The following RBP5 variants were observed in gnomAD, a reference collection of about 807,000 sequenced individuals.
RBP5 encodes the protein retinol-binding protein 5.
Under a neutral mutation model 17.8 loss-of-function variants are expected in RBP5, and 12 were observed. The observed-to-expected ratio is 0.67, with a 90% CI of 0.43 to 1.09. The LOEUF is 1.09. Among genes scored for constraint, RBP5 ranks in the 50% least tolerant of loss-of-function variants. The probability of loss-of-function intolerance (pLI) is 0.00; values close to 1 mark genes in which losing one functional copy is unlikely to be tolerated. For missense variants in RBP5, 172 were observed against 169.4 expected, an observed-to-expected ratio of 1.02 and a Z score of -0.09; for synonymous variants, 64 against 68.1, an observed-to-expected ratio of 0.94 and a Z score of 0.30.
At chr12:7,127,742 A>G in intron 2 of RBP5, 1 of 702,272 alleles carries the variant, frequency 1.4e-6, no homozygotes. Flanking sequence ...GCATGGGTGT[A>G]GATGATTTAG....
downstream of RBP5, among the ~76,000 whole-genome samples, chr12:7,123,474 C>T (rs376587655): frequency 1.3e-4 from 20 of 152,292 alleles, no homozygotes; most frequent in East Asian, 1.5e-3. Context: ...AGAAGCTCCC[C>T]GCCTCCCCAA....
chr12:7,118,942 A>G (rs921514795), downstream of RBP5: 4 of 153,744 alleles, frequency 2.6e-5, no homozygotes, highest in African/African-American at 9.6e-5. Context: ...AAGAAGAAAG[A>G]TGGTGAGATA....
At position 7,117,353 on chromosome 12, in the gene RBP5, G is replaced by C. The variant is rs745515592; in HGVS notation, n.890-46C>G. ...ACAAGGACAGGAATACTGGGAAGCA[G>C]GTATTGTTGGTGGCTGTCTCGGACG... On this transcript the variant is annotated intron_variant and non_coding_transcript_variant, in intron 3 of 3. Transcript: ENST00000619522. This position sits in a 1 kb window ranked among gnomAD's most constrained non-coding sequence, Gnocchi z 4.9. 1 of 152,364 alleles carries C rather than the reference G, an allele frequency of 6.6e-6. No homozygotes were observed. The highest frequency in any genetic ancestry group is 2.1e-4 in the South Asian group (1 of 4,830). The allele number at this position is 152,364 out of a possible 1,614,324, so 9.4% of individuals were successfully genotyped here. A position where few individuals can be genotyped will look rare whatever the true frequency, so the allele number is the denominator to read the frequency against.
At chr12:7,122,568 G>A (rs1004515109), downstream of RBP5, 20 of 152,190 alleles carry the variant, frequency 1.3e-4, no homozygotes, top group African/African-American at 4.3e-4. Context: ...GGCCTCTGCC[G>A]AGACTCCACT....
chr12:7,124,277 G>T lies in RBP5; in HGVS notation c.355-103C>A. The T allele has an allele frequency of 2.0e-6, 2 of 1,005,298 alleles. No individual in the cohort carries two copies. The highest frequency in any genetic ancestry group is 3.1e-6 in the Non-Finnish European group (2 of 641,378). 62.3% of individuals were successfully genotyped at this position (1,005,298 alleles called of 1,614,324 possible). A position where few individuals can be genotyped will look rare whatever the true frequency, so the allele number is the denominator to read the frequency against. ...CCTCCATTTACTCCTTCCGGATACA[G>T]CAGCTTGAGTGTTTGATGTATGGGC... On this transcript the variant is annotated intron_variant, in intron 3 of 3. Transcript: ENST00000266560. This position sits in a 1 kb window ranked among gnomAD's most constrained non-coding sequence, Gnocchi z 5.3.
downstream of RBP5, chr12:7,119,564 C>T (rs994432985): frequency 1.3e-5 from 2 of 154,854 alleles, no homozygotes; most frequent in African/African-American, 2.4e-5. Flanking sequence ...GTATGTGTCA[C>T]TTACACTTCG....
At chr12:7,115,822 A>C (rs1311300709) in exon 4 of RBP5, 1 of 152,362 alleles carries the variant, frequency 6.6e-6, no homozygotes, top group African/African-American at 2.4e-5. Context: ...GCTTATAATC[A>C]TGGCAGAAGG....
At chr12:7,126,069 C>CA (rs34064255) in intron 2 of RBP5, among the ~76,000 whole-genome samples, 12,771 of 139,902 alleles carry the variant, frequency 0.091, 625 homozygotes, top group East Asian at 0.18. Context: ...CCACCTCTAC[C>CA]AAAAAAAAAA....
In RBP5 at chr12:7,123,795, G is replaced by C. The variant is rs1023711803; in HGVS notation, c.*326C>G. The C allele has an allele frequency of 1.1e-5, 3 of 268,492 alleles. No homozygotes were observed. The highest frequency in any genetic ancestry group is 6.5e-5 in the African/African-American group (3 of 45,954). 16.6% of individuals were successfully genotyped at this position (268,492 alleles called of 1,614,324 possible). The stretch of plus-strand genomic sequence containing the variant: ...ATGCCCAAAGCTTAGTTCTTTCTTA[G>C]AAGGAAAAGAAGAGGTCAAATGGAC... On this transcript the variant is annotated 3_prime_UTR_variant, in exon 4 of 4. Transcript: ENST00000266560.
chr12:7,125,167 A>G (rs764130841), intron 2 of RBP5, among the ~76,000 whole-genome samples: 4 of 152,130 alleles, frequency 2.6e-5, no homozygotes, highest in East Asian at 1.9e-4. Context: ...ACCGCTTCCT[A>G]AAGTGCTGTG....
chr12:7,127,464 T>A (rs1477709642), intron 2 of RBP5: 1 of 555,440 alleles, frequency 1.8e-6, no homozygotes, highest in Non-Finnish European at 3.2e-6. Flanking sequence ...TCTAGATTAC[T>A]TATAATACCT....
At chr12:7,118,398 C>G (rs1047206006) in intron 3 of RBP5, 1 of 152,238 alleles carries the variant, frequency 6.6e-6, no homozygotes, top group Non-Finnish European at 1.5e-5. Context: ...CACAGGCACA[C>G]AGAAGTGAAA....
chr12:7,129,572 C>G, upstream of RBP5: 3 of 978,440 alleles, frequency 3.1e-6, no homozygotes, highest in Non-Finnish European at 3.6e-6. This position sits in a 1 kb window ranked among gnomAD's most constrained non-coding sequence, Gnocchi z 5.5. Context: ...TTCTCTCCCT[C>G]TGAGTCATCG....
chr12:7,128,769 G>A lies in RBP5; in HGVS notation c.7C>T (p.Pro3Ser). 2 of 1,600,606 alleles carry A rather than the reference G, an allele frequency of 1.2e-6. No homozygotes were observed. Among genetic ancestry groups the A allele is most frequent in the South Asian group, 2.3e-5 (2 of 88,558 alleles). Residue 3 changes from proline (P) to serine (S), a missense_variant, in exon 1 of 4, where the codon CCC becomes TCC. Physicochemically the swap from Pro to Ser is moderately conservative, Grantham distance 74. Transcript: ENST00000266560. This position sits in a 1 kb window ranked among gnomAD's most constrained non-coding sequence, Gnocchi z 5.3. The stretch of plus-strand genomic sequence containing the variant: ...AAGCGGTAGTAGCCAGTGAGGTTGG[G>A]AGGCATTGTGTGGATGAAGGTTTCA... MP[P>S]NLTGYYRFVS...
chr12:7,127,538 G>T (rs755048113), intron 2 of RBP5: 1 of 633,058 alleles, frequency 1.6e-6, no homozygotes, highest in Non-Finnish European at 2.8e-6. Context: ...GTATCATTTT[G>T]TATTGTTATT....
downstream of RBP5, among the ~76,000 whole-genome samples, chr12:7,123,445 G>A (rs745752168): frequency 1.3e-5 from 2 of 152,052 alleles, no homozygotes; most frequent in Non-Finnish European, 1.5e-5. Flanking sequence ...AAGCAGACAC[G>A]GAGGACAGGT....
At chr12:7,121,943 C>G (rs1462882492), downstream of RBP5, 1 of 154,762 alleles carries the variant, frequency 6.5e-6, no homozygotes, top group Non-Finnish European at 1.5e-5. Flanking sequence ...CTGTCTGTGG[C>G]CCTCGTCCCC....
rs1402747282 is a variant in RBP5, at chr12:7,124,316, T to C, written c.355-142A>G. ...TGATGTATGGGCAATTGTATCATTATTCCACATCCTCAACTTTCCACCCCT... is the reference window on the plus strand; with the variant it reads ...TGATGTATGGGCAATTGTATCATTACTCCACATCCTCAACTTTCCACCCCT... On this transcript the variant is annotated intron_variant, in intron 3 of 3. Coordinates refer to ENST00000266560, the MANE Select transcript of RBP5 (RefSeq NM_031491.4). This position sits in a 1 kb window ranked among gnomAD's most constrained non-coding sequence, Gnocchi z 5.3. The C allele has an allele frequency of 5.3e-6, 4 of 747,780 alleles. No individual in the cohort carries two copies. Among genetic ancestry groups the C allele is most frequent in the Non-Finnish European group, 9.2e-6 (4 of 433,836 alleles). 46.3% of individuals were successfully genotyped at this position (747,780 alleles called of 1,614,324 possible). A position where few individuals can be genotyped will look rare whatever the true frequency, so the allele number is the denominator to read the frequency against.
Position 7,124,989 on chromosome 12 carries a change from C to T in RBP5, c.253-259G>A, listed in dbSNP as rs1939137928. 6.6e-6 allele frequency among the ~76,000 whole-genome samples: 1 copy of T among 152,162 alleles called. No individual in the cohort carries two copies. Among genetic ancestry groups the T allele is most frequent in the Non-Finnish European group, 1.5e-5 (1 of 68,028 alleles). ...TGGCAGGATCTCGGCTCACTGCAACCTCTGCCTCCTGGGTTCAAGTGAATC... is the reference window on the plus strand; with the variant it reads ...TGGCAGGATCTCGGCTCACTGCAACTTCTGCCTCCTGGGTTCAAGTGAATC... On this transcript the variant is annotated intron_variant, in intron 2 of 3. Coordinates refer to ENST00000266560, the MANE Select transcript of RBP5 (RefSeq NM_031491.4). This position sits in a 1 kb window ranked among gnomAD's most constrained non-coding sequence, Gnocchi z 5.3.
Sources: gnomAD v4.1 joint callset for allele counts (sites outside exome capture counted in the v4.1 genomes callset) on GRCh38, gnomAD v4.1.1 for gene constraint, Gnocchi (gnomAD v3.1) non-coding constraint, MANE v1.5 for transcripts, NCBI Gene and HGNC (gene_info 2026-07-23, HGNC 2026-07-21) for gene names.